Variants in SEPTIN14 observed in about 807,000 individuals in gnomAD.
The protein encoded by SEPTIN14 is septin-14.
SEPTIN14 carries 40 observed loss-of-function variants against 53.6 expected under a neutral mutation model. The ratio of observed to expected loss-of-function variants is 0.75; its 90% CI spans 0.58 to 0.97. SEPTIN14 has a LOEUF of 0.97. Ranked by LOEUF, SEPTIN14 falls within the 50% of genes least tolerant of loss-of-function variation. The pLI is 0.00. For synonymous variants in SEPTIN14, 138 were observed against 166.8 expected (o/e 0.83, Z 1.33); for missense variants, 471 against 508.2 (o/e 0.93, Z 0.70).
chr7:55,816,434 T>G (rs1310822521), intron 7 of SEPTIN14, among the ~76,000 whole-genome samples: 1 of 152,126 alleles, frequency 6.6e-6, no homozygotes, highest in East Asian at 1.9e-4. Flanking sequence ...ACACACTGAA[T>G]GCCAGTATCA....
intron 6 of SEPTIN14, among the ~76,000 whole-genome samples, chr7:55,820,346 A>G (rs549972184): frequency 6.6e-6 from 1 of 152,318 alleles, no homozygotes; most frequent in East Asian, 1.9e-4. Flanking sequence ...TCAATTCAGA[A>G]ATCTATTAGT....
chr7:55,840,851 AT>A (rs1471167507), intron 5 of SEPTIN14, among the ~76,000 whole-genome samples: 3 of 152,210 alleles, frequency 2.0e-5, no homozygotes, highest in Admixed American at 1.3e-4. Context: ...TGTTGTTCCC[AT>A]AATATTATAA....
intron 5 of SEPTIN14, among the ~76,000 whole-genome samples, chr7:55,839,959 A>G (rs917072226): frequency 1.3e-5 from 2 of 151,688 alleles, no homozygotes; most frequent in Admixed American, 6.6e-5. Context: ...AGCCTGGCCA[A>G]CATGGTGAAA....
intron 2 of SEPTIN14, among the ~76,000 whole-genome samples, chr7:55,850,511 C>T (rs1789499440): frequency 6.6e-6 from 1 of 152,016 alleles, no homozygotes; most frequent in African/African-American, 2.4e-5. Context: ...GCAAAGACAT[C>T]ACAAAAAGAG....
At chr7:55,828,038 G>GGA (rs1483403612) in intron 6 of SEPTIN14, among the ~76,000 whole-genome samples, 4 of 150,314 alleles carry the variant, frequency 2.7e-5, no homozygotes, top group African/African-American at 9.8e-5. Flanking sequence ...AAAAAAAAAA[G>GGA]CAGAATGTTT....
chr7:55,834,158 T>TA (rs1789161746), intron 6 of SEPTIN14, among the ~76,000 whole-genome samples: 3 of 151,872 alleles, frequency 2.0e-5, no homozygotes, highest in East Asian at 1.9e-4. Flanking sequence ...TTTGAAAAAA[T>TA]AGAAAAAAGA....
At chr7:55,809,769 T>TCA (rs1788669078) in intron 7 of SEPTIN14, among the ~76,000 whole-genome samples, 2 of 134,670 alleles carry the variant, frequency 1.5e-5, no homozygotes, top group African/African-American at 6.0e-5. Flanking sequence ...AAAATAAAAA[T>TCA]TAAAAAAAAA....
At chr7:55,804,685 G>T (rs1260208932) in intron 9 of SEPTIN14, among the ~76,000 whole-genome samples, 2 of 152,100 alleles carry the variant, frequency 1.3e-5, no homozygotes, top group Non-Finnish European at 2.9e-5. Context: ...TAAACTAAAT[G>T]TTCTTAAACT....
At chr7:55,843,242 A>T (rs1234528921) in intron 4 of SEPTIN14, 114 bp from the exon 5 acceptor site, 2 of 557,008 alleles carry the variant, frequency 3.6e-6, no homozygotes, top group Non-Finnish European at 6.1e-6. Context: ...AGTGATGAAG[A>T]AAAAGTTCAT....
chr7:55,819,687 T>C (rs1306831342), intron 6 of SEPTIN14, among the ~76,000 whole-genome samples: 1 of 152,156 alleles, frequency 6.6e-6, no homozygotes, highest in African/African-American at 2.4e-5. Context: ...TATGCACTAA[T>C]TGGTTTCTGT....
At chr7:55,858,592 G>A (rs1789688783) in intron 2 of SEPTIN14, among the ~76,000 whole-genome samples, 1 of 152,144 alleles carries the variant, frequency 6.6e-6, no homozygotes, top group Admixed American at 6.6e-5. Flanking sequence ...ATCACCTGAG[G>A]TTGAGAGTTT....
At chr7:55,808,596 G>C (rs1788646183) in intron 7 of SEPTIN14, among the ~76,000 whole-genome samples, 1 of 151,914 alleles carries the variant, frequency 6.6e-6, no homozygotes, top group African/African-American at 2.4e-5. Context: ...TTGTCACCCA[G>C]GCTGGAGTGC....
At chr7:55,862,650 G>T (rs952397471) in intron 1 of SEPTIN14, 38 bp downstream of exon 1, 8 of 152,142 alleles carry the variant, frequency 5.3e-5, no homozygotes, top group African/African-American at 1.9e-4. Flanking sequence ...CATATGCCAG[G>T]TGAAAAAATT....
At chr7:55,797,276 G>A (rs1584247528) in intron 9 of SEPTIN14, among the ~76,000 whole-genome samples, 3 of 152,102 alleles carry the variant, frequency 2.0e-5, no homozygotes, top group Non-Finnish European at 2.9e-5. Context: ...TAAATCATGG[G>A]AAAGATTTAG....
chr7:55,796,604 C>T (rs377204550), intron 9 of SEPTIN14, among the ~76,000 whole-genome samples: 26 of 152,016 alleles, frequency 1.7e-4, no homozygotes, highest in African/African-American at 6.0e-4. Flanking sequence ...AGTGATCCTC[C>T]CACCTCAGCT....
At chr7:55,797,616 A>C (rs1788452492) in intron 9 of SEPTIN14, among the ~76,000 whole-genome samples, 1 of 152,210 alleles carries the variant, frequency 6.6e-6, no homozygotes, top group Non-Finnish European at 1.5e-5. Flanking sequence ...AAGCTGAGGG[A>C]ATTCAGGACC....
intron 5 of SEPTIN14, among the ~76,000 whole-genome samples, chr7:55,840,077 G>A (rs1015721224): frequency 1.3e-5 from 2 of 149,100 alleles, no homozygotes; most frequent in East Asian, 4.0e-4. Flanking sequence ...CCTGGGAGAC[G>A]GAGGTTGCAG....
At chr7:55,831,660 T>C (rs1789110291) in intron 6 of SEPTIN14, among the ~76,000 whole-genome samples, 1 of 151,972 alleles carries the variant, frequency 6.6e-6, no homozygotes, top group Non-Finnish European at 1.5e-5. Context: ...AAAGAAATAA[T>C]CAACAGAGTA....
intron 9 of SEPTIN14, among the ~76,000 whole-genome samples, chr7:55,800,874 A>G (rs2115951919): frequency 6.6e-6 from 1 of 152,310 alleles, no homozygotes; most frequent in South Asian, 2.1e-4. Flanking sequence ...GCTTGAAGGG[A>G]TAGATATCCC....
Sources: allele counts gnomAD v4.1 joint callset (sites outside exome capture counted in the v4.1 genomes callset), GRCh38; gene constraint gnomAD v4.1.1; transcripts MANE v1.5; gene names NCBI Gene and HGNC (gene_info 2026-07-23, HGNC 2026-07-21).